The following PKP4 variants were observed in gnomAD, a reference collection of about 807,000 sequenced individuals.
The protein encoded by PKP4 is plakophilin 4, also known as plakophilin-4.
PKP4 carries 90 observed loss-of-function variants against 145.1 expected under a neutral mutation model. That is an observed-to-expected ratio of 0.62 (90% CI 0.52 to 0.74). The LOEUF is 0.74. Among genes scored for constraint, PKP4 ranks in the 30% least tolerant of loss-of-function variants. The pLI is 0.00. For missense variants in PKP4, 1,340 were observed against 1,482.7 expected (o/e 0.90, Z 1.58); for synonymous variants, 563 against 577.2 (o/e 0.98, Z 0.35).
At chr2:158,661,635 C>T in intron 13 of PKP4, 185 bp downstream of exon 13, 1 of 494,548 alleles carries the variant, frequency 2.0e-6, no homozygotes, top group Non-Finnish European at 3.7e-6. Flanking sequence ...AAGAAAATAT[C>T]CTGAGAACCG....
At chr2:158,457,516 A>T (rs181014641) in intron 1 of PKP4, 2 of 152,292 alleles carry the variant, frequency 1.3e-5, no homozygotes, top group East Asian at 3.9e-4. Flanking sequence ...ACCTCTGCCC[A>T]CGCTGGGCTG....
intron 3 of PKP4, chr2:158,578,277 A>G (rs1010182947): frequency 1.1e-4 from 19 of 174,364 alleles, no homozygotes; most frequent in Non-Finnish European, 2.1e-4. Flanking sequence ...AGTTGTAGTA[A>G]TATGAATTTT....
chr2:158,569,081 G>A (rs1034067308), intron 2 of PKP4, among the ~76,000 whole-genome samples: 10 of 152,278 alleles, frequency 6.6e-5, no homozygotes, highest in African/African-American at 2.4e-4. Context: ...AGCTTTTCTT[G>A]TGTATTTTTA....
At chr2:158,562,762 A>G (rs951824882) in intron 2 of PKP4, among the ~76,000 whole-genome samples, 2 of 152,230 alleles carry the variant, frequency 1.3e-5, no homozygotes, top group African/African-American at 4.8e-5. Context: ...TTGTTTATCA[A>G]ATGAAAAATT....
intron 6 of PKP4, 31 bp downstream of exon 6, chr2:158,621,452 GA>G (rs879861282): frequency 1.4e-5 from 23 of 1,591,938 alleles, no homozygotes; most frequent in Non-Finnish European, 2.0e-5. Flanking sequence ...TCTCTGCAAA[GA>G]AATACCTTCC....
chr2:158,667,029 C>A (rs573713126), intron 16 of PKP4, among the ~76,000 whole-genome samples: 1 of 118,668 alleles, frequency 8.4e-6, no homozygotes, highest in South Asian at 3.8e-4. Flanking sequence ...GTCCCAACAT[C>A]ATTTCCACCC....
intron 4 of PKP4, among the ~76,000 whole-genome samples, chr2:158,610,167 T>TGC (rs2051009501): frequency 6.6e-6 from 1 of 152,214 alleles, no homozygotes; most frequent in Admixed American, 6.5e-5. Flanking sequence ...AGCAGTTTAT[T>TGC]TATGTTTCAG....
rs571559175 is a variant in PKP4, at chr2:158,626,325, CACTA to C, written c.1153+903_1153+906del. Among the ~76,000 whole-genome samples the C allele has an allele frequency of 1.4e-3, 212 of 152,300 alleles. 1 individual carries two copies. Among genetic ancestry groups the C allele is most frequent in the African/African-American group, 4.9e-3 (202 of 41,556 alleles). ...TAGATCTTCTATACTTTGTTCTTTT[CACTA>C]ACTATGTCTTAAGAGCTCTACCTCA... On this transcript the variant is annotated intron_variant, in intron 7 of 21. Coordinates refer to ENST00000389759, the MANE Select transcript of PKP4 (RefSeq NM_003628.6).
intron 1 of PKP4, among the ~76,000 whole-genome samples, chr2:158,502,427 C>A (rs1326237075): frequency 6.6e-6 from 1 of 152,154 alleles, no homozygotes; most frequent in Admixed American, 6.5e-5. Flanking sequence ...GTGCCCTGGG[C>A]TGGAAATTTT....
intron 2 of PKP4, among the ~76,000 whole-genome samples, chr2:158,560,054 A>G (rs1042093770): frequency 1.3e-5 from 2 of 152,008 alleles, no homozygotes; most frequent in Admixed American, 1.3e-4. Context: ...TTTAGTAGAG[A>G]AAGGGTTTCA....
chr2:158,644,222 C>T (rs2054610649), intron 11 of PKP4, among the ~76,000 whole-genome samples: 1 of 152,148 alleles, frequency 6.6e-6, no homozygotes. Context: ...GGCCTATGAA[C>T]AGACCAACAG....
At chr2:158,621,938 G>A (rs1342332110) in intron 6 of PKP4, among the ~76,000 whole-genome samples, 2 of 152,124 alleles carry the variant, frequency 1.3e-5, no homozygotes, top group Admixed American at 1.3e-4. Flanking sequence ...GATGAATTCT[G>A]ATGAGTTCCT....
At chr2:158,668,168 C>CT (rs779923239) in intron 16 of PKP4, among the ~76,000 whole-genome samples, 10,209 of 135,892 alleles carry the variant, frequency 0.075, 866 homozygotes, top group African/African-American at 0.21. Context: ...CAGTGATGAG[C>CT]TTTTTTTTTT....
chr2:158,517,239 T>C (rs1202514540), intron 1 of PKP4, among the ~76,000 whole-genome samples: 1 of 152,160 alleles, frequency 6.6e-6, no homozygotes, highest in African/African-American at 2.4e-5. Context: ...AAAACAGCAG[T>C]CTAGGGAGGT....
intron 11 of PKP4, among the ~76,000 whole-genome samples, chr2:158,643,576 G>C (rs1435918246): frequency 6.6e-6 from 1 of 152,046 alleles, no homozygotes; most frequent in African/African-American, 2.4e-5. Flanking sequence ...GCTGGATGTG[G>C]TGGCACATGC....
At chr2:158,543,131 T>C (rs1022980881) in intron 2 of PKP4, among the ~76,000 whole-genome samples, 1 of 152,226 alleles carries the variant, frequency 6.6e-6, no homozygotes. Flanking sequence ...ATATATAGTC[T>C]TGAACTGTAC....
chr2:158,508,671 T>C (rs1211214166), intron 1 of PKP4, among the ~76,000 whole-genome samples: 1 of 152,242 alleles, frequency 6.6e-6, no homozygotes, highest in Non-Finnish European at 1.5e-5. Flanking sequence ...ATTAAATGTC[T>C]TATTTATCAT....
intron 1 of PKP4, among the ~76,000 whole-genome samples, chr2:158,468,062 A>G (rs1690932810): frequency 6.6e-6 from 1 of 152,202 alleles, no homozygotes; most frequent in African/African-American, 2.4e-5. Flanking sequence ...ACTTATAGCT[A>G]TTACAAATAG....
rs1208073592 is a variant in PKP4, at chr2:158,631,826, G to T, written c.1227G>T (p.Leu409Phe). 6.2e-7 allele frequency: 1 copy of T among 1,614,040 alleles called. No homozygotes were observed. The highest frequency in any genetic ancestry group is 1.3e-5 in the African/African-American group (1 of 75,002). Reference sequence around the variant, plus strand: ...TTCGTTCTGCCGTGTCTCCCGACTTGCACATTACTCCTATATATGAGGGGA... The same window carrying T: ...TTCGTTCTGCCGTGTCTCCCGACTTTCACATTACTCCTATATATGAGGGGA... ...QDLRSAVSPD[L>F]HITPIYEGRT... Residue 409 changes from leucine (L) to phenylalanine (F), a missense_variant, in exon 8 of 22, where the codon TTG becomes TTT. Physicochemically the swap from Leu to Phe is conservative, Grantham distance 22 (BLOSUM62 0). Transcript: ENST00000389759.
Sources: gnomAD v4.1 joint callset for allele counts (sites outside exome capture counted in the v4.1 genomes callset) on GRCh38, gnomAD v4.1.1 for gene constraint, MANE v1.5 for transcripts, NCBI Gene and HGNC (gene_info 2026-07-23, HGNC 2026-07-21) for gene names.